DLG2: variants seen among roughly 807,000 people sequenced by gnomAD.
DLG2 encodes the protein disks large homolog 2.
Under a neutral mutation model 132.5 loss-of-function variants are expected in DLG2, and 45 were observed. The ratio of observed to expected loss-of-function variants is 0.34; its 90% CI spans 0.27 to 0.44. The LOEUF (loss-of-function observed/expected upper bound fraction) is 0.44. DLG2 is among the 20% of genes least tolerant of loss of function. The probability of loss-of-function intolerance (pLI) is 1.00; values close to 1 mark genes in which losing one functional copy is unlikely to be tolerated. For synonymous variants in DLG2, 424 were observed against 419.6 expected (o/e 1.01, Z -0.13); for missense variants, 1,045 against 1,196.9 (o/e 0.87, Z 1.87).
At chr11:83,792,255 G>T (rs916818669) in intron 17 of DLG2, among the ~76,000 whole-genome samples, 1 of 151,892 alleles carries the variant, frequency 6.6e-6, no homozygotes, top group Non-Finnish European at 1.5e-5. Flanking sequence ...AAGGGTATAT[G>T]CATTACTTGT....
At chr11:85,331,946 G>T (rs1361514651) in intron 3 of DLG2, among the ~76,000 whole-genome samples, 1 of 152,176 alleles carries the variant, frequency 6.6e-6, no homozygotes, top group South Asian at 2.1e-4. Context: ...TATGTCTTTT[G>T]GGTAGAATGG....
At chr11:84,262,494 T>C (rs1453138537) in intron 7 of DLG2, among the ~76,000 whole-genome samples, 1 of 152,222 alleles carries the variant, frequency 6.6e-6, no homozygotes, top group Non-Finnish European at 1.5e-5. Flanking sequence ...TGTCTTATAT[T>C]AAAAATGAAT....
At chr11:84,088,021 C>T (rs533863728) in intron 10 of DLG2, among the ~76,000 whole-genome samples, 3 of 152,068 alleles carry the variant, frequency 2.0e-5, no homozygotes, top group African/African-American at 7.2e-5. Context: ...TTACACATTC[C>T]GGATACAAGT....
intron 10 of DLG2, among the ~76,000 whole-genome samples, chr11:84,061,591 G>A (rs1273106627): frequency 6.6e-6 from 1 of 152,126 alleles, no homozygotes; most frequent in Non-Finnish European, 1.5e-5. Context: ...ATAGTTTCAT[G>A]TATGTTGTGT....
At chr11:83,746,755 C>T (rs191037301) in intron 18 of DLG2, among the ~76,000 whole-genome samples, 352 of 152,220 alleles carry the variant, frequency 2.3e-3, no homozygotes, top group Non-Finnish European at 3.8e-3. Context: ...ACTACACTCC[C>T]TTCAGTTTTT....
At chr11:84,443,652 G>C (rs2099024103) in intron 7 of DLG2, among the ~76,000 whole-genome samples, 1 of 152,070 alleles carries the variant, frequency 6.6e-6, no homozygotes, top group Non-Finnish European at 1.5e-5. Context: ...TTGATTACTG[G>C]TGAGACTTAA....
chr11:84,291,918 A>T (rs374186526), intron 7 of DLG2, among the ~76,000 whole-genome samples: 1 of 152,152 alleles, frequency 6.6e-6, no homozygotes, highest in East Asian at 1.9e-4. Flanking sequence ...TATTTTGGAA[A>T]ACACCCCCTC....
intron 3 of DLG2, among the ~76,000 whole-genome samples, chr11:85,343,056 CT>C (rs2082605024): frequency 1.3e-5 from 2 of 152,122 alleles, no homozygotes; most frequent in Non-Finnish European, 2.9e-5. Flanking sequence ...TATTCTCTAC[CT>C]TTATATGTCA....
At chr11:84,099,106 C>T in intron 9 of DLG2, 59 bp from the exon 10 acceptor site, 6 of 1,492,382 alleles carry the variant, frequency 4.0e-6, no homozygotes, top group East Asian at 4.5e-5. Flanking sequence ...CCTAGTTCCT[C>T]TTGCACTCTG....
At chr11:84,699,434 C>A (rs574434883) in intron 6 of DLG2, among the ~76,000 whole-genome samples, 7 of 151,596 alleles carry the variant, frequency 4.6e-5, no homozygotes, top group South Asian at 2.1e-4. Context: ...TCAGACTTGT[C>A]CAACAACAGG....
At chr11:84,328,491 C>CTTGAAG (rs1271041965) in intron 7 of DLG2, among the ~76,000 whole-genome samples, 2 of 152,230 alleles carry the variant, frequency 1.3e-5, no homozygotes, top group East Asian at 3.9e-4. Context: ...CTGAGGCCTC[C>CTTGAAG]TTGAAGTAGA....
chr11:84,282,572 G>A (rs1387015059), intron 7 of DLG2, among the ~76,000 whole-genome samples: 1 of 151,814 alleles, frequency 6.6e-6, no homozygotes, highest in Non-Finnish European at 1.5e-5. Flanking sequence ...TATACTCCTG[G>A]GGCTTATCAT....
chr11:84,060,053 C>T (rs2096566443), intron 10 of DLG2, among the ~76,000 whole-genome samples: 1 of 152,138 alleles, frequency 6.6e-6, no homozygotes, highest in Non-Finnish European at 1.5e-5. Flanking sequence ...TGGCTCATGC[C>T]TGTAATCCCA....
chr11:84,779,649 A>G (rs887294741), intron 6 of DLG2, among the ~76,000 whole-genome samples: 3 of 152,136 alleles, frequency 2.0e-5, no homozygotes, highest in Non-Finnish European at 4.4e-5. Context: ...ACTAACCAAG[A>G]GGAGAGAATA....
intron 3 of DLG2, among the ~76,000 whole-genome samples, chr11:85,412,760 C>CATATATATATAT (rs200280952): frequency 8.8e-6 from 1 of 113,244 alleles, no homozygotes; most frequent in African/African-American, 3.7e-5. Flanking sequence ...CACACACACA[C>CATATATATATAT]ATATATATAT....
At chr11:83,769,634 G>GCTCA (rs935184953) in intron 18 of DLG2, among the ~76,000 whole-genome samples, 23 of 148,884 alleles carry the variant, frequency 1.5e-4, no homozygotes, top group Non-Finnish European at 3.0e-4. Flanking sequence ...CGCAATCTCA[G>GCTCA]CTCACTGCAA....
Position 84,838,219 on chromosome 11 carries a change from C to A in DLG2, c.357+273442G>T, listed in dbSNP as rs565643187. 5.9e-5 allele frequency among the ~76,000 whole-genome samples: 9 copies of A among 151,954 alleles called. No homozygotes were observed. The East Asian group carries it at 1.4e-3, about 23-fold the overall frequency. On this transcript the variant is annotated intron_variant, in intron 6 of 27. Coordinates refer to ENST00000376104, the MANE Select transcript of DLG2 (RefSeq NM_001142699.3). ...CAAATTACCATGACATGAACCTCCACTGAGTTTGCTCTCACTAACAAGCCT... is the reference window on the plus strand; with the variant it reads ...CAAATTACCATGACATGAACCTCCAATGAGTTTGCTCTCACTAACAAGCCT...
intron 7 of DLG2, among the ~76,000 whole-genome samples, chr11:84,489,325 T>C (rs1418614910): frequency 6.6e-6 from 1 of 152,144 alleles, no homozygotes; most frequent in Non-Finnish European, 1.5e-5. Flanking sequence ...GGCAACTTTA[T>C]TTGTACACTA....
rs532342425 is a variant in DLG2, at chr11:84,809,608, T to C, written c.358-274877A>G. 8.9e-4 allele frequency among the ~76,000 whole-genome samples: 136 copies of C among 152,026 alleles called. 1 individual carries two copies. Among genetic ancestry groups the C allele is most frequent in the African/African-American group, 3.2e-3 (131 of 41,546 alleles). ...ACACTATAAAAGCATACATAATCAGTTGTGTTTCTACATATTATCAATCAA... is the reference window on the plus strand; with the variant it reads ...ACACTATAAAAGCATACATAATCAGCTGTGTTTCTACATATTATCAATCAA... On this transcript the variant is annotated intron_variant, in intron 6 of 27. Coordinates refer to ENST00000376104, the MANE Select transcript of DLG2 (RefSeq NM_001142699.3).
Sources: gnomAD v4.1 joint callset for allele counts (sites outside exome capture counted in the v4.1 genomes callset) on GRCh38, gnomAD v4.1.1 for gene constraint, MANE v1.5 for transcripts, NCBI Gene and HGNC (gene_info 2026-07-23, HGNC 2026-07-21) for gene names.